PTPRM: variants seen among roughly 807,000 people sequenced by gnomAD.
PTPRM encodes protein tyrosine phosphatase receptor type M, also known as receptor-type tyrosine-protein phosphatase mu.
In PTPRM, 47 loss-of-function variants were observed where a neutral mutation model predicts 186.7. The ratio of observed to expected loss-of-function variants is 0.25; its 90% CI spans 0.20 to 0.32. PTPRM has a LOEUF of 0.32. Among genes scored for constraint, PTPRM ranks in the 10% least tolerant of loss-of-function variants. The pLI is 1.00. For synonymous variants in PTPRM, 668 were observed against 674.9 expected (o/e 0.99, Z 0.16); for missense variants, 1,494 against 1,865.0 (o/e 0.80, Z 3.66).
chr18:8,356,027 A>G (rs2095561613), intron 23 of PTPRM, among the ~76,000 whole-genome samples: 1 of 152,220 alleles, frequency 6.6e-6, no homozygotes, highest in Admixed American at 6.5e-5. Flanking sequence ...AAGCCACCCA[A>G]TAGGGAAGAA....
At chr18:8,302,752 A>G (rs1307187430) in intron 20 of PTPRM, among the ~76,000 whole-genome samples, 5 of 151,946 alleles carry the variant, frequency 3.3e-5, no homozygotes, top group South Asian at 2.1e-4. Flanking sequence ...GAATGGTTAG[A>G]TGGATGATGG....
At chr18:7,823,456 G>A (rs2045317259) in intron 2 of PTPRM, among the ~76,000 whole-genome samples, 1 of 152,178 alleles carries the variant, frequency 6.6e-6, no homozygotes, top group Non-Finnish European at 1.5e-5. Flanking sequence ...TGATTGGATT[G>A]AAGGATGCAA....
intron 5 of PTPRM, among the ~76,000 whole-genome samples, chr18:7,938,099 A>G (rs1470742235): frequency 6.6e-6 from 1 of 152,146 alleles, no homozygotes; most frequent in Non-Finnish European, 1.5e-5. Flanking sequence ...GCTCATTACT[A>G]CTTTATTTAT....
At chr18:8,184,079 T>C (rs535017041) in intron 14 of PTPRM, among the ~76,000 whole-genome samples, 3 of 152,286 alleles carry the variant, frequency 2.0e-5, no homozygotes, top group Non-Finnish European at 4.4e-5. Context: ...CATCCCAAAG[T>C]TCCTGCCCAG....
intron 7 of PTPRM, among the ~76,000 whole-genome samples, chr18:8,008,422 GTTTTATATT>G (rs2084318321): frequency 6.6e-6 from 1 of 151,928 alleles, no homozygotes; most frequent in South Asian, 2.1e-4. Flanking sequence ...CCACTTTTTT[GTTTTATATT>G]TTAAAATAAA....
chr18:8,301,330 C>A (rs2095155368), intron 20 of PTPRM, among the ~76,000 whole-genome samples: 1 of 152,044 alleles, frequency 6.6e-6, no homozygotes, highest in Non-Finnish European at 1.5e-5. Context: ...AAATATAAAC[C>A]AACACCCTAC....
intron 13 of PTPRM, among the ~76,000 whole-genome samples, chr18:8,135,632 A>G (rs772508900): frequency 2.0e-5 from 3 of 152,218 alleles, no homozygotes; most frequent in Non-Finnish European, 4.4e-5. Context: ...AATATAAGCC[A>G]TATTTATTAA....
chr18:7,877,889 A>G (rs1001382874), intron 2 of PTPRM, among the ~76,000 whole-genome samples: 1 of 152,152 alleles, frequency 6.6e-6, no homozygotes, highest in African/African-American at 2.4e-5. Flanking sequence ...CAAGTTTTGT[A>G]AGGTGAGATT....
At chr18:7,597,938 C>T (rs2037307201) in intron 1 of PTPRM, among the ~76,000 whole-genome samples, 1 of 152,090 alleles carries the variant, frequency 6.6e-6, no homozygotes, top group Non-Finnish European at 1.5e-5. Context: ...TTATAAATAA[C>T]TCATATTAGC....
chr18:7,893,245 C>T (rs1198408489), intron 3 of PTPRM, among the ~76,000 whole-genome samples: 1 of 152,064 alleles, frequency 6.6e-6, no homozygotes, highest in African/African-American at 2.4e-5. Context: ...GAGAAAAGAA[C>T]AGTTATTACA....
chr18:8,398,764 C>T (rs2095857025), intron 32 of PTPRM, among the ~76,000 whole-genome samples: 1 of 136,728 alleles, frequency 7.3e-6, no homozygotes. Flanking sequence ...AGTGAGACTC[C>T]TTCTCAAAAA....
chr18:8,073,732 C>A (rs1442739018), intron 8 of PTPRM, among the ~76,000 whole-genome samples: 6 of 152,056 alleles, frequency 3.9e-5, no homozygotes, highest in Non-Finnish European at 8.8e-5. Context: ...TAGTGAGACC[C>A]TATCACTACA....
Position 7,591,867 on chromosome 18 carries a change from G to T in PTPRM, c.73+23976G>T, listed in dbSNP as rs948097117. 3.3e-5 allele frequency among the ~76,000 whole-genome samples: 5 copies of T among 152,210 alleles called. No individual in the cohort carries two copies. In the East Asian group the frequency reaches 9.6e-4, roughly 29 times the overall value. ...AAGGGAGGTGAATTCAGCACCTGAA[G>T]ATGCTGGCTGTGCAATTGAGAAGTG... On this transcript the variant is annotated intron_variant, in intron 1 of 32. Coordinates refer to ENST00000580170, the MANE Select transcript of PTPRM (RefSeq NM_001105244.2).
intron 7 of PTPRM, among the ~76,000 whole-genome samples, chr18:8,037,873 A>G (rs2086433950): frequency 2.0e-5 from 3 of 152,118 alleles, no homozygotes; most frequent in African/African-American, 7.2e-5. Context: ...ATAGTGTTGT[A>G]TGTTAGCTCC....
rs193035690 is a variant in PTPRM at position 8,035,682 on chromosome 18, T to C, written c.1133-34004T>C. Reference sequence around the variant, plus strand: ...CTATAAAAAGAGGACAGATCCCATGTTACGTGTTCTCTCCACAAAAGAAAT... The same window carrying C: ...CTATAAAAAGAGGACAGATCCCATGCTACGTGTTCTCTCCACAAAAGAAAT... On this transcript the variant is annotated intron_variant, in intron 7 of 32. Transcript: ENST00000580170. 5.6e-4 allele frequency among the ~76,000 whole-genome samples: 85 copies of C among 151,952 alleles called. 1 individual carries two copies. Among genetic ancestry groups the C allele is most frequent in the Admixed American group, 5.6e-3 (85 of 15,286 alleles).
intron 7 of PTPRM, among the ~76,000 whole-genome samples, chr18:8,012,816 G>A (rs1161878766): frequency 6.6e-6 from 1 of 152,126 alleles, no homozygotes; most frequent in Non-Finnish European, 1.5e-5. Flanking sequence ...CTTAGCAAAA[G>A]GGATCATAAT....
intron 24 of PTPRM, among the ~76,000 whole-genome samples, chr18:8,372,090 A>C (rs1243455281): frequency 2.4e-5 from 1 of 41,982 alleles, no homozygotes; most frequent in Non-Finnish European, 6.9e-5. Flanking sequence ...TTTAAGACGG[A>C]GTCTCGCTCT....
chr18:8,312,196 G>C (rs2095273897), intron 20 of PTPRM, among the ~76,000 whole-genome samples: 1 of 152,122 alleles, frequency 6.6e-6, no homozygotes, highest in African/African-American at 2.4e-5. Flanking sequence ...CATTGCCGGT[G>C]CTTGTGGCAC....
chr18:7,642,898 G>A (rs982510261), intron 1 of PTPRM, among the ~76,000 whole-genome samples: 5 of 150,320 alleles, frequency 3.3e-5, no homozygotes, highest in African/African-American at 9.8e-5. Context: ...TCATCTTTGT[G>A]TTGTTTATCT....
Sources: gnomAD v4.1 joint callset for allele counts (sites outside exome capture counted in the v4.1 genomes callset) on GRCh38, gnomAD v4.1.1 for gene constraint, MANE v1.5 for transcripts, NCBI Gene and HGNC (gene_info 2026-07-23, HGNC 2026-07-21) for gene names.